Variants in KCNH8 observed in about 807,000 individuals in gnomAD.
The protein encoded by KCNH8 is potassium voltage-gated channel subfamily H member 8, also known as voltage-gated delayed rectifier potassium channel KCNH8.
Under a neutral mutation model 103.6 loss-of-function variants are expected in KCNH8, and 70 were observed. The observed-to-expected ratio is 0.68, with a 90% CI of 0.56 to 0.82. The LOEUF is 0.82. KCNH8 is among the 40% of genes least tolerant of loss of function. KCNH8 has a pLI of 0.00. For missense variants in KCNH8, 1,217 were observed against 1,329.9 expected (o/e 0.92, Z 1.32); for synonymous variants, 498 against 489.4 (o/e 1.02, Z -0.23).
At chr3:19,220,626 A>G (rs893728838) in intron 1 of KCNH8, among the ~76,000 whole-genome samples, 2 of 152,174 alleles carry the variant, frequency 1.3e-5, no homozygotes, top group African/African-American at 4.8e-5. Flanking sequence ...ATGGATGGCA[A>G]CATTATCCAT....
At chr3:19,273,811 G>A (rs1333692338) in intron 2 of KCNH8, among the ~76,000 whole-genome samples, 1 of 152,022 alleles carries the variant, frequency 6.6e-6, no homozygotes, top group African/African-American at 2.4e-5. Flanking sequence ...CAGTCTCATT[G>A]GATACTCAAG....
intron 3 of KCNH8, among the ~76,000 whole-genome samples, chr3:19,294,124 G>C (rs1329089693): frequency 6.6e-6 from 1 of 152,088 alleles, no homozygotes; most frequent in African/African-American, 2.4e-5. Context: ...CTTTGGCTTT[G>C]AATAGAATCT....
intron 3 of KCNH8, among the ~76,000 whole-genome samples, chr3:19,281,823 A>T (rs1004135197): frequency 1.3e-5 from 2 of 152,120 alleles, no homozygotes; most frequent in Non-Finnish European, 2.9e-5. Flanking sequence ...CTTATTGTAT[A>T]TAAGAATATA....
chr3:19,479,062 C>CTAA (rs1417352753), intron 11 of KCNH8, among the ~76,000 whole-genome samples: 1 of 152,106 alleles, frequency 6.6e-6, no homozygotes, highest in Non-Finnish European at 1.5e-5. Context: ...GGTTACATAG[C>CTAA]TAATAATTGG....
chr3:19,299,462 C>T (rs2065037218), intron 3 of KCNH8, among the ~76,000 whole-genome samples: 1 of 151,892 alleles, frequency 6.6e-6, no homozygotes, highest in African/African-American at 2.4e-5. Context: ...AGACCCCCAT[C>T]TCCGAAAAAA....
At chr3:19,419,441 C>T (rs1191600377) in intron 7 of KCNH8, among the ~76,000 whole-genome samples, 1 of 151,630 alleles carries the variant, frequency 6.6e-6, no homozygotes. Flanking sequence ...ACCTCGTGAT[C>T]CGCCCGCCTC....
chr3:19,152,205 T>G (rs2063137435), intron 1 of KCNH8, among the ~76,000 whole-genome samples: 1 of 152,134 alleles, frequency 6.6e-6, no homozygotes, highest in Admixed American at 6.5e-5. Flanking sequence ...AGACTTTTGC[T>G]TTAAGTAACT....
chr3:19,511,720 C>T (rs999798164), intron 12 of KCNH8, among the ~76,000 whole-genome samples: 9 of 152,068 alleles, frequency 5.9e-5, no homozygotes, highest in Admixed American at 2.0e-4. Context: ...TTAAAATAAC[C>T]ATACGTATTT....
At chr3:19,155,433 A>G (rs890948159) in intron 1 of KCNH8, among the ~76,000 whole-genome samples, 2 of 151,720 alleles carry the variant, frequency 1.3e-5, no homozygotes, top group Admixed American at 6.6e-5. Flanking sequence ...AGTCCCTTCT[A>G]CTCCCACTTG....
chr3:19,177,925 A>G lies in KCNH8; in HGVS notation c.76+29130A>G, dbSNP rs113709886. On this transcript the variant is annotated intron_variant, in intron 1 of 15. Transcript: ENST00000328405. ...TTAATTCAGTTTTTGCCACACTTCT[A>G]GCTACTAAATTTGAACATGTCATTA... Among the ~76,000 whole-genome samples the G allele has an allele frequency of 2.9e-3, 442 of 152,258 alleles. 4 individuals carry two copies. The highest frequency in any genetic ancestry group is 9.6e-3 in the African/African-American group (398 of 41,572).
At chr3:19,407,007 G>A (rs950696281) in intron 7 of KCNH8, among the ~76,000 whole-genome samples, 18 of 152,064 alleles carry the variant, frequency 1.2e-4, no homozygotes, top group Middle Eastern at 3.2e-3. Context: ...TCTGAAGATC[G>A]AAATATATTT....
At chr3:19,163,881 T>G (rs1194727114) in intron 1 of KCNH8, among the ~76,000 whole-genome samples, 1 of 152,242 alleles carries the variant, frequency 6.6e-6, no homozygotes, top group Non-Finnish European at 1.5e-5. Context: ...ATTAACATTT[T>G]CTTTTCTCTA....
At chr3:19,427,032 G>A (rs990881666) in intron 7 of KCNH8, among the ~76,000 whole-genome samples, 1 of 152,090 alleles carries the variant, frequency 6.6e-6, no homozygotes, top group Non-Finnish European at 1.5e-5. Context: ...GCACCAAAGG[G>A]TACCAATGGA....
intron 15 of KCNH8, among the ~76,000 whole-genome samples, chr3:19,521,723 TTAA>T (rs2068973924): frequency 1.3e-5 from 2 of 151,978 alleles, no homozygotes; most frequent in South Asian, 4.1e-4. Flanking sequence ...AAATGGCAGA[TTAA>T]TGATATTTCA....
intron 7 of KCNH8, among the ~76,000 whole-genome samples, chr3:19,434,954 G>C (rs755345937): frequency 2.0e-5 from 3 of 151,876 alleles, no homozygotes; most frequent in Non-Finnish European, 4.4e-5. Flanking sequence ...ACAGCATCAC[G>C]AGATAACTAT....
chr3:19,288,736 T>G (rs377538250), intron 3 of KCNH8, among the ~76,000 whole-genome samples: 19 of 152,242 alleles, frequency 1.2e-4, no homozygotes, highest in East Asian at 1.9e-4. Context: ...AATCCTTTGG[T>G]TATATACCCA....
intron 4 of KCNH8, among the ~76,000 whole-genome samples, chr3:19,345,140 T>A (rs1041986557): frequency 2.6e-5 from 4 of 152,138 alleles, no homozygotes; most frequent in African/African-American, 9.7e-5. Flanking sequence ...AAATTCTGCC[T>A]TCCTTGATTG....
chr3:19,254,103 A>G (rs896448556), intron 2 of KCNH8, among the ~76,000 whole-genome samples: 2 of 152,132 alleles, frequency 1.3e-5, no homozygotes, highest in Admixed American at 1.3e-4. Flanking sequence ...TAACTATTCA[A>G]TGTCAATGAA....
chr3:19,478,251 G>A (rs1374671553), intron 11 of KCNH8, among the ~76,000 whole-genome samples: 3 of 151,696 alleles, frequency 2.0e-5, no homozygotes, highest in Admixed American at 6.6e-5. Context: ...ACTTATGAAT[G>A]CAGGTATCAT....
Sources: allele counts gnomAD v4.1 joint callset (sites outside exome capture counted in the v4.1 genomes callset), GRCh38; gene constraint gnomAD v4.1.1; transcripts MANE v1.5; gene names NCBI Gene and HGNC (gene_info 2026-07-23, HGNC 2026-07-21).